Variants in ZNF407 observed in about 807,000 individuals in gnomAD.
ZNF407 encodes zinc finger protein 407.
Under a neutral mutation model 131.2 loss-of-function variants are expected in ZNF407, and 17 were observed. The observed-to-expected ratio is 0.13, with a 90% CI of 0.09 to 0.19. ZNF407 has a LOEUF of 0.19. ZNF407 is among the 10% of genes least tolerant of loss of function. The pLI is 1.00. For missense variants in ZNF407, 2,681 were observed against 2,830.6 expected, an observed-to-expected ratio of 0.95 and a Z score of 1.20; for synonymous variants, 1,156 against 1,062.0, an observed-to-expected ratio of 1.09 and a Z score of -1.72.
chr18:74,864,690 T>C (rs1381768883), intron 4 of ZNF407, among the ~76,000 whole-genome samples: 1 of 152,182 alleles, frequency 6.6e-6, no homozygotes, highest in East Asian at 1.9e-4. Flanking sequence ...TCGAATTATT[T>C]AGGGAGTGTG....
At chr18:75,006,906 G>A (rs1040424915) in intron 8 of ZNF407, among the ~76,000 whole-genome samples, 1 of 151,432 alleles carries the variant, frequency 6.6e-6, no homozygotes, top group African/African-American at 2.4e-5. Flanking sequence ...TATGTTGCTG[G>A]TAAATTGAAC....
At chr18:74,965,822 G>A (rs548543238) in intron 8 of ZNF407, among the ~76,000 whole-genome samples, 2 of 152,178 alleles carry the variant, frequency 1.3e-5, no homozygotes, top group African/African-American at 2.4e-5. Context: ...TGGCATTTTT[G>A]TTGCTTGCCT....
intron 3 of ZNF407, among the ~76,000 whole-genome samples, chr18:74,658,164 GTGCAGTGGCATGATC>G (rs1985558437): frequency 6.6e-6 from 1 of 152,078 alleles, no homozygotes; most frequent in East Asian, 1.9e-4. Context: ...CCAGGCTGGA[GTGCAGTGGCATGATC>G]TCAGCTCACT....
At position 74,785,871 on chromosome 18, in the gene ZNF407, ACT is replaced by A. The variant is rs1489599630; in HGVS notation, c.4877+4371_4877+4372del. ...ACATGGCCCACATGGCACACACGTC[ACT>A]CACATGGCACGCACATGGCACTCAC... On this transcript the variant is annotated intron_variant, in intron 4 of 8. Coordinates refer to ENST00000299687, the MANE Select transcript of ZNF407 (RefSeq NM_017757.3). 1.9e-3 allele frequency among the ~76,000 whole-genome samples: 42 copies of A among 21,912 alleles called. No homozygotes were observed. The East Asian group carries it at 0.096, about 50-fold the overall frequency. 14.4% of individuals were successfully genotyped at this position (21,912 alleles called of 152,430 possible).
chr18:74,807,571 T>A (rs1970130198), intron 4 of ZNF407, among the ~76,000 whole-genome samples: 1 of 152,196 alleles, frequency 6.6e-6, no homozygotes, highest in South Asian at 2.1e-4. Flanking sequence ...GTACAGAAGT[T>A]GGACAGGATA....
At chr18:74,819,655 T>C (rs1198601812) in intron 4 of ZNF407, among the ~76,000 whole-genome samples, 1 of 152,220 alleles carries the variant, frequency 6.6e-6, no homozygotes, top group Non-Finnish European at 1.5e-5. Context: ...CTGTGTCCTT[T>C]GGCTGTCATA....
At chr18:74,848,992 C>G (rs946544035) in intron 4 of ZNF407, among the ~76,000 whole-genome samples, 3 of 151,156 alleles carry the variant, frequency 2.0e-5, no homozygotes, top group Non-Finnish European at 4.4e-5. Context: ...GATTTGAAGT[C>G]ACATGAATTT....
rs186343237 is a variant in ZNF407 at position 74,981,833 on chromosome 18, C to T, written c.5428+61141C>T. Among the ~76,000 whole-genome samples the T allele has an allele frequency of 3.9e-3, 588 of 152,330 alleles. 11 individuals are homozygous for T. Among genetic ancestry groups the T allele is most frequent in the African/African-American group, 0.013 (559 of 41,562 alleles). Reference sequence around the variant, plus strand: ...AAGCTATAAAAACTATAAACATATGCTACAAATTTATTCTAAAATATATGC... The same window carrying T: ...AAGCTATAAAAACTATAAACATATGTTACAAATTTATTCTAAAATATATGC... On this transcript the variant is annotated intron_variant, in intron 8 of 8. Coordinates refer to ENST00000299687, the MANE Select transcript of ZNF407 (RefSeq NM_017757.3).
At position 74,958,739 on chromosome 18, in the gene ZNF407, A is replaced by G. The variant is rs142954929; in HGVS notation, c.5428+38047A>G. Among the ~76,000 whole-genome samples, 793 of 152,330 alleles carry G rather than the reference A, an allele frequency of 5.2e-3. 9 individuals are homozygous for G. The highest frequency in any genetic ancestry group is 0.018 in the African/African-American group (733 of 41,566). On this transcript the variant is annotated intron_variant, in intron 8 of 8. Coordinates refer to ENST00000299687, the MANE Select transcript of ZNF407 (RefSeq NM_017757.3). ...ATAAAGGGACTGAGTGAATAGAATC[A>G]TAGCTAGCAAAAAGTGTTCTGCACT...
intron 1 of ZNF407, among the ~76,000 whole-genome samples, chr18:74,611,575 A>C (rs1983061495): frequency 6.6e-6 from 1 of 152,236 alleles, no homozygotes; most frequent in African/African-American, 2.4e-5. Flanking sequence ...TAGATTGGCA[A>C]CAATGTAAAA....
chr18:74,735,969 T>C (rs906888373), intron 3 of ZNF407, among the ~76,000 whole-genome samples: 1 of 152,202 alleles, frequency 6.6e-6, no homozygotes, highest in African/African-American at 2.4e-5. Context: ...TTTGGCTAGT[T>C]TGTATTGGCA....
chr18:74,604,419 TTG>T (rs372781230), intron 1 of ZNF407, among the ~76,000 whole-genome samples: 2 of 152,222 alleles, frequency 1.3e-5, no homozygotes, highest in African/African-American at 4.8e-5. Flanking sequence ...TAGGCCACAC[TTG>T]AACAGTCTGT....
At chr18:74,704,515 C>G (rs1050715574) in intron 3 of ZNF407, among the ~76,000 whole-genome samples, 2 of 152,164 alleles carry the variant, frequency 1.3e-5, no homozygotes, top group African/African-American at 4.8e-5. Flanking sequence ...GTTGATAGAT[C>G]AGTTTTCTTT....
intron 6 of ZNF407, among the ~76,000 whole-genome samples, chr18:74,887,736 A>G (rs1291078479): frequency 6.6e-6 from 1 of 152,104 alleles, no homozygotes; most frequent in African/African-American, 2.4e-5. Context: ...TACTCTTTCC[A>G]TATTTTTAGT....
At chr18:74,817,983 G>A (rs776724319) in intron 4 of ZNF407, among the ~76,000 whole-genome samples, 1 of 152,126 alleles carries the variant, frequency 6.6e-6, no homozygotes, top group Non-Finnish European at 1.5e-5. Context: ...TTTCAATTCG[G>A]CACTTTATGT....
intron 8 of ZNF407, among the ~76,000 whole-genome samples, chr18:74,930,797 C>G (rs183373585): frequency 2.0e-5 from 3 of 152,308 alleles, no homozygotes; most frequent in Non-Finnish European, 4.4e-5. Context: ...CTTTACTTTT[C>G]AGGCACCACA....
chr18:74,766,143 G>A (rs1568205428), intron 3 of ZNF407, among the ~76,000 whole-genome samples: 3 of 152,050 alleles, frequency 2.0e-5, no homozygotes, highest in Non-Finnish European at 4.4e-5. Context: ...AACAATGGGA[G>A]CTTTTTAACT....
chr18:74,934,585 G>A (rs148779380), intron 8 of ZNF407, among the ~76,000 whole-genome samples: 2 of 152,198 alleles, frequency 1.3e-5, no homozygotes, highest in Non-Finnish European at 2.9e-5. Flanking sequence ...AAGGCGGGTG[G>A]ATCACCTGAT....
At chr18:74,959,938 CT>C (rs1208927812) in intron 8 of ZNF407, among the ~76,000 whole-genome samples, 1 of 152,182 alleles carries the variant, frequency 6.6e-6, no homozygotes. Context: ...AGTGTGGCTT[CT>C]TTATGCAAAC....
Sources: allele counts gnomAD v4.1 joint callset (sites outside exome capture counted in the v4.1 genomes callset), GRCh38; gene constraint gnomAD v4.1.1; transcripts MANE v1.5; gene names NCBI Gene and HGNC (gene_info 2026-07-23, HGNC 2026-07-21).